ZYG11A: variants seen among roughly 807,000 people sequenced by gnomAD.
ZYG11A encodes the protein protein zyg-11 homolog A.
A neutral mutation model predicts 77.2 loss-of-function variants in ZYG11A; 62 were observed. That is an observed-to-expected ratio of 0.80 (90% CI 0.65 to 0.99). The LOEUF is 0.99. Among genes scored for constraint, ZYG11A ranks in the 50% least tolerant of loss-of-function variants. The pLI, the probability that ZYG11A is intolerant of heterozygous loss-of-function variation, is 0.00. For missense variants in ZYG11A, 828 were observed against 896.8 expected, an observed-to-expected ratio of 0.92 and a Z score of 0.98; for synonymous variants, 315 against 324.6, an observed-to-expected ratio of 0.97 and a Z score of 0.32.
intron 1 of ZYG11A, among the ~76,000 whole-genome samples, chr1:52,853,903 C>CA (rs1404592089): frequency 6.6e-6 from 1 of 150,668 alleles, no homozygotes; most frequent in Non-Finnish European, 1.5e-5. Flanking sequence ...GACCCTGTTT[C>CA]AAAAAAAAGA....
intron 3 of ZYG11A, among the ~76,000 whole-genome samples, chr1:52,859,787 C>G (rs1321475483): frequency 6.8e-6 from 1 of 146,802 alleles, no homozygotes; most frequent in East Asian, 2.2e-4. Context: ...AAGTGATTCT[C>G]CTGGCTCAGC....
intron 1 of ZYG11A, among the ~76,000 whole-genome samples, 192 bp from the exon 2 acceptor site, chr1:52,854,273 A>G (rs1016265643): frequency 2.6e-5 from 4 of 152,184 alleles, no homozygotes; most frequent in African/African-American, 9.6e-5. Flanking sequence ...AACAGAAAGG[A>G]CAACAGATTA....
At chr1:52,885,342 GTT>G in intron 11 of ZYG11A, among the ~76,000 whole-genome samples, 1 of 138,694 alleles carries the variant, frequency 7.2e-6, no homozygotes, top group African/African-American at 2.7e-5. Context: ...TTGGGTTTTT[GTT>G]TTTTTTTTTG....
chr1:52,873,782 G>A (rs1646211380), intron 8 of ZYG11A, among the ~76,000 whole-genome samples: 1 of 151,950 alleles, frequency 6.6e-6, no homozygotes, highest in African/African-American at 2.4e-5. Flanking sequence ...TTAAGAAATC[G>A]AGACCAGCCT....
At chr1:52,877,901 T>C (rs1335574869) in intron 9 of ZYG11A, 24 bp from the exon 10 acceptor site, 11 of 1,551,420 alleles carry the variant, frequency 7.1e-6, no homozygotes, top group Non-Finnish European at 1.7e-6. Context: ...TAAAGTAACC[T>C]GTATGTATAT....
intron 11 of ZYG11A, among the ~76,000 whole-genome samples, chr1:52,884,204 T>C (rs1222621301): frequency 2.7e-5 from 4 of 149,804 alleles, no homozygotes; most frequent in Non-Finnish European, 5.9e-5. Flanking sequence ...AAAAAAAAAT[T>C]AGCTGGGCGT....
intron 1 of ZYG11A, 22 bp downstream of exon 1, chr1:52,842,995 G>T: frequency 6.7e-7 from 1 of 1,499,002 alleles, no homozygotes; most frequent in Non-Finnish European, 8.9e-7. Context: ...GGTGCGGGCG[G>T]CGACGCGGAC....
In ZYG11A at chr1:52,857,243, A is replaced by C; in HGVS notation, c.502A>C (p.Ile168Leu). 6.4e-7 allele frequency: 1 copy of C among 1,552,256 alleles called. No individual in the cohort carries two copies. Among genetic ancestry groups the C allele is most frequent in the Non-Finnish European group, 8.7e-7 (1 of 1,147,146 alleles). The change falls in exon 3 of 14, where the codon ATC becomes CTC. Residue 168 changes from isoleucine to leucine, a missense_variant. Physicochemically the swap from Ile to Leu is conservative, Grantham distance 5. Transcript: ENST00000371528. ...LQCLLLDSTSIPQNSRLLFFS... is the reference protein window; with the variant it reads ...LQCLLLDSTSLPQNSRLLFFS... ...GTGTCTCCTGTTAGACTCGACAAGCATCCCTCAAAATTCAAGATTACTGTT... is the reference window on the plus strand; with the variant it reads ...GTGTCTCCTGTTAGACTCGACAAGCCTCCCTCAAAATTCAAGATTACTGTT...
intron 1 of ZYG11A, among the ~76,000 whole-genome samples, chr1:52,845,764 A>C (rs1248672149): frequency 1.3e-5 from 2 of 151,476 alleles, no homozygotes; most frequent in African/African-American, 4.9e-5. Flanking sequence ...GTTTGAGTGC[A>C]GTCTGTGATC....
rs1355822054 is a variant in ZYG11A at position 52,894,264 on chromosome 1, C to T, written c.*1307C>T. 1 of 152,052 alleles carries T rather than the reference C, an allele frequency of 6.6e-6. No homozygotes were observed. The highest frequency in any genetic ancestry group is 1.9e-4 in the East Asian group (1 of 5,194). The allele number at this position is 152,052 out of a possible 1,614,324, so 9.4% of individuals were successfully genotyped here. ...TTACATGTAATGATAAATCTGAATCCCTCCATTTTATTTGGGTGGAACCAT... is the reference window on the plus strand; with the variant it reads ...TTACATGTAATGATAAATCTGAATCTCTCCATTTTATTTGGGTGGAACCAT... On this transcript the variant is annotated 3_prime_UTR_variant, in exon 14 of 14. Transcript: ENST00000371528.
chr1:52,854,698 C>T, intron 2 of ZYG11A, 68 bp downstream of exon 2: 5 of 1,336,960 alleles, frequency 3.7e-6, no homozygotes, highest in Non-Finnish European at 5.0e-6. Flanking sequence ...CTTTTACACA[C>T]AATTTCTATT....
Position 52,886,958 on chromosome 1 carries a change from C to G in ZYG11A, c.2009C>G (p.Ser670Cys), listed in dbSNP as rs1166564951. Residue 670 changes from serine to cysteine, a missense_variant and splice_region_variant, in exon 13 of 14, where the codon TCT becomes TGT. Physicochemically the swap from Ser to Cys is moderately radical, Grantham distance 112. Coordinates refer to ENST00000371528, the MANE Select transcript of ZYG11A (RefSeq NM_001004339.3). ...CTTTGTACTTTTTTTTGTTTTAGAT[C>G]TTTCAAGACATTTTTCCCGCTCCTT... The part of the protein sequence containing the change: ...CKMTALVTYR[S>C]FKTFFPLLGN... The G allele has an allele frequency of 1.9e-6, 3 of 1,540,026 alleles. No individual in the cohort carries two copies. Among genetic ancestry groups the G allele is most frequent in the Admixed American group, 2.0e-5 (1 of 50,852 alleles).
intron 10 of ZYG11A, among the ~76,000 whole-genome samples, chr1:52,879,692 T>C (rs1010234285): frequency 6.6e-6 from 1 of 152,166 alleles, no homozygotes; most frequent in Non-Finnish European, 1.5e-5. Flanking sequence ...ATGCCTCATA[T>C]ATCCTGTACA....
chr1:52,870,290 A>G (rs1202327121), intron 8 of ZYG11A, among the ~76,000 whole-genome samples: 4 of 148,342 alleles, frequency 2.7e-5, no homozygotes, highest in African/African-American at 1.0e-4. Context: ...GGCTCCTCAC[A>G]TCCCAGACAA....
At chr1:52,890,297 C>T (rs1646523532) in intron 13 of ZYG11A, among the ~76,000 whole-genome samples, 1 of 125,710 alleles carries the variant, frequency 8.0e-6, no homozygotes, top group Non-Finnish European at 1.6e-5. Context: ...GTCGCCCAGA[C>T]TGGAGTGCAG....
intron 3 of ZYG11A, among the ~76,000 whole-genome samples, chr1:52,858,511 G>A (rs1377202666): frequency 6.6e-6 from 1 of 150,602 alleles, no homozygotes; most frequent in Non-Finnish European, 1.5e-5. Context: ...CACCATGTTG[G>A]CCGGGCTGGT....
At chr1:52,861,566 T>C (rs1645927616) in intron 4 of ZYG11A, among the ~76,000 whole-genome samples, 1 of 151,836 alleles carries the variant, frequency 6.6e-6, no homozygotes, top group Admixed American at 6.6e-5. Flanking sequence ...TTGGTGGGCG[T>C]GGTGGCGCAC....
At chr1:52,884,856 C>T (rs1040674156) in intron 11 of ZYG11A, among the ~76,000 whole-genome samples, 6 of 151,798 alleles carry the variant, frequency 4.0e-5, no homozygotes, top group Non-Finnish European at 7.4e-5. Context: ...CAGAAGAAAT[C>T]GGGGAGTCCG....
At chr1:52,890,852 G>A (rs1418875354) in intron 13 of ZYG11A, among the ~76,000 whole-genome samples, 1 of 151,874 alleles carries the variant, frequency 6.6e-6, no homozygotes, top group Non-Finnish European at 1.5e-5. Flanking sequence ...TTACAGGAAT[G>A]AACCACTATG....
Sources: allele counts gnomAD v4.1 joint callset (sites outside exome capture counted in the v4.1 genomes callset), GRCh38; gene constraint gnomAD v4.1.1; transcripts MANE v1.5; gene names NCBI Gene and HGNC (gene_info 2026-07-23, HGNC 2026-07-21).